Variants in C7orf33 observed in about 807,000 individuals in gnomAD.
The protein encoded by C7orf33 is chromosome 7 open reading frame 33.
A neutral mutation model predicts 13.4 loss-of-function variants in C7orf33; 15 were observed. That is an observed-to-expected ratio of 1.12 (90% CI 0.75 to 1.72). The LOEUF is 1.72. Among genes scored for constraint, C7orf33 ranks in the 40% most tolerant of loss-of-function variants. C7orf33 has a pLI of 0.00. For missense variants in C7orf33, 187 were observed against 220.3 expected, an observed-to-expected ratio of 0.85 and a Z score of 0.96; for synonymous variants, 73 against 83.2, an observed-to-expected ratio of 0.88 and a Z score of 0.67.
intron 1 of C7orf33, among the ~76,000 whole-genome samples, chr7:148,595,703 CATATTATAT>C (rs1248997002): frequency 3.2e-5 from 4 of 125,228 alleles, no homozygotes; most frequent in Non-Finnish European, 6.4e-5. Context: ...TATAGATATA[CATATTATAT>C]ATATTATATA....
At chr7:148,610,263 G>C (rs1303900145) in intron 1 of C7orf33, among the ~76,000 whole-genome samples, 1 of 152,156 alleles carries the variant, frequency 6.6e-6, no homozygotes, top group African/African-American at 2.4e-5. Flanking sequence ...TGTTGCCAAA[G>C]GAGATTAACT....
At chr7:148,592,824 A>C (rs915696102) in intron 1 of C7orf33, among the ~76,000 whole-genome samples, 4 of 151,972 alleles carry the variant, frequency 2.6e-5, no homozygotes, top group African/African-American at 4.8e-5. Context: ...CAGGGTAGAT[A>C]TGATTTAAAT....
intron 1 of C7orf33, among the ~76,000 whole-genome samples, chr7:148,608,424 C>T (rs968899404): frequency 1.3e-5 from 2 of 150,226 alleles, no homozygotes; most frequent in Admixed American, 6.6e-5. Context: ...AGTGAGACTG[C>T]ATCTCGAAAT....
At position 148,590,857 on chromosome 7, in the gene C7orf33, T is replaced by C; in HGVS notation, c.-69T>C. The C allele has an allele frequency of 7.0e-7, 1 of 1,424,624 alleles. No individual in the cohort carries two copies. The highest frequency in any genetic ancestry group is 9.9e-7 in the Non-Finnish European group (1 of 1,010,954). The allele number at this position is 1,424,624 out of a possible 1,614,324, so 88.2% of individuals were successfully genotyped here. A position where few individuals can be genotyped will look rare whatever the true frequency, so the allele number is the denominator to read the frequency against. On this transcript the variant is annotated 5_prime_UTR_variant, in exon 1 of 3. Transcript: ENST00000307003. ...GACCCTGGGGATCCGTGCGACTTGA[T>C]CTTAGATATTGGTGGTGAAGCGCCG... is the stretch of plus-strand genomic sequence containing the variant.
intron 1 of C7orf33, among the ~76,000 whole-genome samples, chr7:148,601,019 G>A (rs1796407667): frequency 1.3e-5 from 2 of 151,912 alleles, no homozygotes; most frequent in African/African-American, 4.8e-5. Context: ...AGCCAGGATG[G>A]TCTCGATCTC....
chr7:148,599,534 C>T (rs1401459078), intron 1 of C7orf33, among the ~76,000 whole-genome samples: 2 of 143,440 alleles, frequency 1.4e-5, no homozygotes, highest in African/African-American at 2.7e-5. Context: ...AGTGCAATGG[C>T]ATGGTCTCAG....
intron 1 of C7orf33, among the ~76,000 whole-genome samples, chr7:148,598,663 T>A (rs1259678656): frequency 7.0e-6 from 1 of 143,446 alleles, no homozygotes; most frequent in Non-Finnish European, 1.5e-5. Flanking sequence ...TCTCTATATA[T>A]ATATACACAC....
intron 1 of C7orf33, among the ~76,000 whole-genome samples, chr7:148,607,713 G>A (rs111293602): frequency 1.6e-3 from 245 of 152,188 alleles, no homozygotes; most frequent in African/African-American, 5.6e-3. Context: ...AGTCCTGCAG[G>A]ATATTTTCAC....
chr7:148,606,838 T>C (rs1279613753), intron 1 of C7orf33, among the ~76,000 whole-genome samples: 4 of 151,986 alleles, frequency 2.6e-5, no homozygotes, highest in Non-Finnish European at 4.4e-5. Context: ...CCACCCACGT[T>C]GGCCTCCCAA....
At chr7:148,595,396 C>T (rs1796319585) in intron 1 of C7orf33, among the ~76,000 whole-genome samples, 1 of 124,930 alleles carries the variant, frequency 8.0e-6, no homozygotes, top group Admixed American at 8.6e-5. Context: ...ATAGATATAT[C>T]ATAGATAATA....
At chr7:148,597,967 G>T (rs1184987906) in intron 1 of C7orf33, among the ~76,000 whole-genome samples, 1 of 152,138 alleles carries the variant, frequency 6.6e-6, no homozygotes, top group East Asian at 1.9e-4. Flanking sequence ...GTGTTAGCCA[G>T]GATGATCTCG....
chr7:148,603,737 C>CTGTACACTTCA (rs1451206066), intron 1 of C7orf33, among the ~76,000 whole-genome samples: 1 of 152,146 alleles, frequency 6.6e-6, no homozygotes, highest in African/African-American at 2.4e-5. Context: ...TGTTAAAGAA[C>CTGTACACTTCA]CTGTACTTCA....
chr7:148,598,753 T>C (rs1199579293), intron 1 of C7orf33, among the ~76,000 whole-genome samples: 1 of 62,550 alleles, frequency 1.6e-5, no homozygotes, highest in African/African-American at 7.2e-5. Context: ...TATATATATA[T>C]ATATATATAT....
At chr7:148,600,205 A>T (rs1391984639) in intron 1 of C7orf33, among the ~76,000 whole-genome samples, 5 of 152,168 alleles carry the variant, frequency 3.3e-5, no homozygotes, top group African/African-American at 1.2e-4. Context: ...GTAGTGGCTC[A>T]CGCCTGTAAT....
chr7:148,613,915 T>C (rs2116905307), intron 1 of C7orf33, 127 bp from the exon 2 acceptor site: 1 of 992,468 alleles, frequency 1.0e-6, no homozygotes, highest in East Asian at 2.4e-5. Context: ...CTATAATCTT[T>C]AGGCTATTTC....
chr7:148,605,366 C>T (rs1331128344), intron 1 of C7orf33, among the ~76,000 whole-genome samples: 2 of 152,184 alleles, frequency 1.3e-5, no homozygotes, highest in Non-Finnish European at 2.9e-5. Context: ...CTATGCTCAG[C>T]TTTGTGATGT....
chr7:148,596,463 C>T (rs1796340874), intron 1 of C7orf33, among the ~76,000 whole-genome samples: 1 of 152,190 alleles, frequency 6.6e-6, no homozygotes, highest in Non-Finnish European at 1.5e-5. Flanking sequence ...TTTAATTGGA[C>T]TTACAGTTCC....
At chr7:148,606,643 A>T (rs539162525) in intron 1 of C7orf33, among the ~76,000 whole-genome samples, 6 of 152,178 alleles carry the variant, frequency 3.9e-5, no homozygotes, top group Non-Finnish European at 7.3e-5. Flanking sequence ...TAGTGGCGTG[A>T]TCTCAGCTCA....
intron 1 of C7orf33, among the ~76,000 whole-genome samples, chr7:148,601,790 C>G (rs914886121): frequency 4.6e-5 from 7 of 152,058 alleles, no homozygotes; most frequent in Non-Finnish European, 2.9e-5. Context: ...CTCTGTTGCT[C>G]AGGCTAGAAT....
Sources: gnomAD v4.1 joint callset for allele counts (sites outside exome capture counted in the v4.1 genomes callset) on GRCh38, gnomAD v4.1.1 for gene constraint, MANE v1.5 for transcripts, NCBI Gene and HGNC (gene_info 2026-07-23, HGNC 2026-07-21) for gene names.